SORCS3: variants seen among roughly 807,000 people sequenced by gnomAD.
The protein encoded by SORCS3 is sortilin related VPS10 domain containing receptor 3.
In SORCS3, 57 loss-of-function variants were observed where a neutral mutation model predicts 146.3. The ratio of observed to expected loss-of-function variants is 0.39; its 90% CI spans 0.31 to 0.49. The LOEUF (loss-of-function observed/expected upper bound fraction) is 0.49. SORCS3 is among the 20% of genes least tolerant of loss of function. The probability of loss-of-function intolerance (pLI) is 0.92; values close to 1 mark genes in which losing one functional copy is unlikely to be tolerated. For missense variants in SORCS3, 1,341 were observed against 1,575.5 expected (o/e 0.85, Z 2.52); for synonymous variants, 653 against 618.5 (o/e 1.06, Z -0.83).
chr10:104,883,818 C>T (rs943591252), intron 2 of SORCS3, among the ~76,000 whole-genome samples: 1 of 152,084 alleles, frequency 6.6e-6, no homozygotes, highest in Non-Finnish European at 1.5e-5. Flanking sequence ...TTTGTCAGAG[C>T]TTATGATTAA....
chr10:104,967,688 T>C lies in SORCS3; in HGVS notation c.796-9647T>C, dbSNP rs1009269717. 9.2e-5 allele frequency among the ~76,000 whole-genome samples: 14 copies of C among 152,126 alleles called. No individual in the cohort carries two copies. The East Asian group carries it at 1.4e-3, about 15-fold the overall frequency. On this transcript the variant is annotated intron_variant, in intron 3 of 26. Transcript: ENST00000369701. ...TTATCCTAGATAATTTATTTTTTGG[T>C]TGGGGGGATGGGGTCTGGCTCTGTT...
At chr10:105,211,555 G>A (rs1452355769) in intron 17 of SORCS3, among the ~76,000 whole-genome samples, 1 of 152,146 alleles carries the variant, frequency 6.6e-6, no homozygotes, top group East Asian at 1.9e-4. Flanking sequence ...ACACTCAAGT[G>A]AATTAAATTC....
chr10:104,670,388 G>A (rs931222953), intron 1 of SORCS3, among the ~76,000 whole-genome samples: 2 of 152,074 alleles, frequency 1.3e-5, no homozygotes, highest in African/African-American at 4.8e-5. Context: ...TATATACGGT[G>A]TGAGGTATTT....
chr10:105,083,488 C>G (rs1280104683), intron 5 of SORCS3, among the ~76,000 whole-genome samples: 1 of 152,098 alleles, frequency 6.6e-6, no homozygotes, highest in Non-Finnish European at 1.5e-5. Context: ...CTTGGCATAT[C>G]TGAGCAGGCA....
intron 4 of SORCS3, among the ~76,000 whole-genome samples, chr10:105,016,844 C>T (rs2055171370): frequency 6.6e-6 from 1 of 152,042 alleles, no homozygotes. Flanking sequence ...ACTCAAAACT[C>T]ACAAAATAAA....
intron 1 of SORCS3, among the ~76,000 whole-genome samples, chr10:104,784,699 G>A (rs573049239): frequency 6.6e-6 from 1 of 152,218 alleles, no homozygotes; most frequent in Non-Finnish European, 1.5e-5. Flanking sequence ...AATCAAGGCT[G>A]ACATAGCTTA....
intron 1 of SORCS3, among the ~76,000 whole-genome samples, chr10:104,811,218 A>G (rs1426289569): frequency 6.6e-6 from 1 of 152,248 alleles, no homozygotes; most frequent in Non-Finnish European, 1.5e-5. Context: ...TCCTGGCAAT[A>G]CAAAGATGAA....
intron 1 of SORCS3, among the ~76,000 whole-genome samples, chr10:104,809,272 C>A (rs1289718390): frequency 6.6e-6 from 1 of 152,158 alleles, no homozygotes; most frequent in Non-Finnish European, 1.5e-5. Flanking sequence ...ATCAGTTGTT[C>A]TGGTCTTGGT....
At chr10:104,915,350 A>G (rs1433461002) in intron 2 of SORCS3, among the ~76,000 whole-genome samples, 1 of 152,092 alleles carries the variant, frequency 6.6e-6, no homozygotes, top group East Asian at 1.9e-4. Flanking sequence ...CTACCCCTCC[A>G]AGGGTCCCTT....
intron 1 of SORCS3, among the ~76,000 whole-genome samples, chr10:104,770,720 C>G (rs796467600): frequency 4.6e-5 from 7 of 151,862 alleles, no homozygotes; most frequent in African/African-American, 1.7e-4. Flanking sequence ...GTGGTCCCAG[C>G]TACTCATGAA....
chr10:104,955,360 C>G (rs1405332741), intron 3 of SORCS3, among the ~76,000 whole-genome samples: 2 of 151,324 alleles, frequency 1.3e-5, no homozygotes, highest in African/African-American at 4.9e-5. Context: ...TACTTCCTTT[C>G]TTTATATGGC....
At chr10:104,903,990 G>T (rs1023784756) in intron 2 of SORCS3, among the ~76,000 whole-genome samples, 2 of 152,026 alleles carry the variant, frequency 1.3e-5, no homozygotes, top group Admixed American at 6.6e-5. Flanking sequence ...ATGTAACAGG[G>T]TTATTGTTAT....
intron 1 of SORCS3, among the ~76,000 whole-genome samples, chr10:104,704,701 A>G (rs751457383): frequency 6.6e-6 from 1 of 152,188 alleles, no homozygotes; most frequent in Non-Finnish European, 1.5e-5. Context: ...TGTGTGTTCC[A>G]TCCATGCAGA....
At chr10:104,855,088 A>G (rs1043333162) in intron 2 of SORCS3, among the ~76,000 whole-genome samples, 2 of 152,208 alleles carry the variant, frequency 1.3e-5, no homozygotes, top group Non-Finnish European at 2.9e-5. Flanking sequence ...AGTGCAGTTT[A>G]TCCTACCCTC....
At chr10:105,221,493 G>A (rs1159456913) in intron 19 of SORCS3, among the ~76,000 whole-genome samples, 1 of 152,124 alleles carries the variant, frequency 6.6e-6, no homozygotes, top group Non-Finnish European at 1.5e-5. Context: ...ATTAATATAA[G>A]GAAGGCAGAG....
chr10:105,241,409 G>C (rs912183168), intron 20 of SORCS3, among the ~76,000 whole-genome samples: 1 of 152,206 alleles, frequency 6.6e-6, no homozygotes, highest in Admixed American at 6.5e-5. Flanking sequence ...AGCCCCAGAG[G>C]GGGTGTTAGA....
At chr10:105,169,511 C>A (rs1208905294) in intron 13 of SORCS3, among the ~76,000 whole-genome samples, 1 of 151,936 alleles carries the variant, frequency 6.6e-6, no homozygotes, top group Non-Finnish European at 1.5e-5. Flanking sequence ...CTAGGATTTA[C>A]AGGAGAGGTG....
intron 3 of SORCS3, among the ~76,000 whole-genome samples, chr10:104,969,371 G>A (rs1056085929): frequency 1.3e-5 from 2 of 151,632 alleles, no homozygotes; most frequent in African/African-American, 4.8e-5. Flanking sequence ...TGGAAGGTGT[G>A]GGTTTTGAGG....
rs370356129 is a variant in SORCS3, at chr10:105,125,679, C to CACACACA, written c.1213-13718_1213-13717insACACACA. Among the ~76,000 whole-genome samples the CACACACA allele has an allele frequency of 2.8e-3, 399 of 144,480 alleles. 1 individual carries two copies. The highest frequency in any genetic ancestry group is 5.2e-3 in the African/African-American group (199 of 38,482). The allele number at this position is 144,480 out of a possible 152,430, so 94.8% of individuals were successfully genotyped here. On this transcript the variant is annotated intron_variant, in intron 7 of 26. Coordinates refer to ENST00000369701, the MANE Select transcript of SORCS3 (RefSeq NM_014978.3). ...ACATGCATGTTGCATCACTGAATAT[C>CACACACA]CACACACACACACACACACACACAC...
Sources: gnomAD v4.1 joint callset for allele counts (sites outside exome capture counted in the v4.1 genomes callset) on GRCh38, gnomAD v4.1.1 for gene constraint, MANE v1.5 for transcripts, NCBI Gene and HGNC (gene_info 2026-07-23, HGNC 2026-07-21) for gene names.